The following TBCD variants were observed in gnomAD, a reference collection of about 807,000 sequenced individuals.
TBCD encodes the protein tubulin folding cofactor D, also known as tubulin-specific chaperone D.
TBCD carries 105 observed loss-of-function variants against 169.3 expected under a neutral mutation model. That is an observed-to-expected ratio of 0.62 (90% CI 0.53 to 0.73). The LOEUF is 0.73. Ranked by LOEUF, TBCD falls within the 30% of genes least tolerant of loss-of-function variation. TBCD has a pLI of 0.00. For missense variants in TBCD, 1,444 were observed against 1,600.1 expected, an observed-to-expected ratio of 0.90 and a Z score of 1.66; for synonymous variants, 700 against 643.9, an observed-to-expected ratio of 1.09 and a Z score of -1.32.
At chr17:82,863,707 G>A (rs1008809739) in intron 13 of TBCD, among the ~76,000 whole-genome samples, 22 of 152,302 alleles carry the variant, frequency 1.4e-4, no homozygotes, top group Admixed American at 2.6e-4. Context: ...CCTGGTCTCA[G>A]ACTGTAAGCC....
At chr17:82,765,776 A>G (rs1215493765) in intron 3 of TBCD, among the ~76,000 whole-genome samples, 1 of 152,206 alleles carries the variant, frequency 6.6e-6, no homozygotes, top group Non-Finnish European at 1.5e-5. Flanking sequence ...TTAATGACTG[A>G]TTCCGTAAAT....
intron 4 of TBCD, among the ~76,000 whole-genome samples, chr17:82,767,262 G>T (rs1308445373): frequency 2.6e-5 from 4 of 152,138 alleles, no homozygotes; most frequent in Admixed American, 2.6e-4. Context: ...TCTCGGCGTG[G>T]ATGTGACTGA....
intron 3 of TBCD, among the ~76,000 whole-genome samples, chr17:82,765,549 G>C (rs576633402): frequency 6.6e-6 from 1 of 152,194 alleles, no homozygotes; most frequent in South Asian, 2.1e-4. Flanking sequence ...GCGCATTTCT[G>C]TTGTCTGGCG....
intron 13 of TBCD, among the ~76,000 whole-genome samples, chr17:82,825,453 T>C (rs2052759385): frequency 6.6e-6 from 1 of 152,192 alleles, no homozygotes; most frequent in Non-Finnish European, 1.5e-5. Context: ...CTGGTGTATA[T>C]AAACAGAAGT....
At chr17:82,784,779 C>T (rs570447747) in intron 7 of TBCD, among the ~76,000 whole-genome samples, 174 of 152,258 alleles carry the variant, frequency 1.1e-3, no homozygotes, top group African/African-American at 4.0e-3. Flanking sequence ...GAAGAATGGG[C>T]CGCTACTGCC....
chr17:82,862,973 C>T (rs916380188), intron 13 of TBCD, among the ~76,000 whole-genome samples: 1 of 152,184 alleles, frequency 6.6e-6, no homozygotes, highest in African/African-American at 2.4e-5. Context: ...CTTGGTCTTG[C>T]GGTGTGGCTG....
At chr17:82,757,208 G>GC (rs907193087) in intron 2 of TBCD, among the ~76,000 whole-genome samples, 13 of 152,108 alleles carry the variant, frequency 8.5e-5, no homozygotes, top group African/African-American at 1.4e-4. Flanking sequence ...GGGTTTCCTC[G>GC]CCCCCCGTGG....
intron 2 of TBCD, among the ~76,000 whole-genome samples, chr17:82,758,219 T>C (rs966602581): frequency 3.3e-5 from 5 of 151,472 alleles, no homozygotes; most frequent in Non-Finnish European, 7.4e-5. Flanking sequence ...TGAAACCCCG[T>C]ATCTACTAAA....
At chr17:82,818,173 A>G (rs913773293) in intron 13 of TBCD, among the ~76,000 whole-genome samples, 1 of 152,218 alleles carries the variant, frequency 6.6e-6, no homozygotes, top group African/African-American at 2.4e-5. Context: ...CTGACACGTG[A>G]TGTGGAATAC....
At chr17:82,852,502 C>T (rs2055882231) in intron 13 of TBCD, among the ~76,000 whole-genome samples, 2 of 152,142 alleles carry the variant, frequency 1.3e-5, no homozygotes, top group Admixed American at 6.5e-5. Context: ...CCGGGTTTTC[C>T]TGGGCCTGCA....
chr17:82,791,649 T>G (rs2049738063), intron 7 of TBCD, among the ~76,000 whole-genome samples: 1 of 152,162 alleles, frequency 6.6e-6, no homozygotes, highest in Admixed American at 6.5e-5. Flanking sequence ...GGGGAGTTGT[T>G]TAAGCTGGAA....
intron 18 of TBCD, among the ~76,000 whole-genome samples, chr17:82,902,634 G>A (rs958574342): frequency 2.6e-5 from 4 of 152,232 alleles, no homozygotes; most frequent in African/African-American, 4.8e-5. Flanking sequence ...CTGCCAGCGC[G>A]GGCGTCTGCC....
At chr17:82,830,238 T>TA in intron 13 of TBCD, 1 of 1,614,236 alleles carries the variant, frequency 6.2e-7, no homozygotes, top group South Asian at 1.1e-5. Flanking sequence ...CAGCATCCCT[T>TA]AGACTTGTCC....
At chr17:82,911,306 A>AG (rs1435324677) in intron 22 of TBCD, among the ~76,000 whole-genome samples, 1 of 151,780 alleles carries the variant, frequency 6.6e-6, no homozygotes, top group Non-Finnish European at 1.5e-5. Context: ...CTTGTGCACC[A>AG]GGGTCCCGCT....
Position 82,937,286 on chromosome 17 carries a change from G to A in TBCD, c.3207G>A (p.Val1069=). The A allele has an allele frequency of 6.2e-7, 1 of 1,614,050 alleles. No homozygotes were observed. Among genetic ancestry groups the A allele is most frequent in the Non-Finnish European group, 8.5e-7 (1 of 1,179,896 alleles). Residue 1069 remains valine, a synonymous_variant, in exon 35 of 39, where the codon GTG becomes GTA. Coordinates refer to ENST00000355528, the MANE Select transcript of TBCD (RefSeq NM_005993.5). ...GTTCTTCCAGCCACCCCTTTGCTGT[G>A]AAGTTGCTTGCGCTCTGTAAGAAAG... is the stretch of plus-strand genomic sequence containing the variant. ...FTTEEDHPFA[V]KLLALCKKEI...
rs183455339 is a variant in TBCD at position 82,939,444 on chromosome 17, C to T, written c.3447C>T (p.Asp1149=). 6.9e-4 allele frequency: 1,113 copies of T among 1,613,612 alleles called. 2 individuals carry two copies. Among genetic ancestry groups the T allele is most frequent in the Non-Finnish European group, 8.7e-4 (1,032 of 1,179,832 alleles). ...ACGTCGTGGGCGCGGATGTGCTGGA[C>T]GAGGTGGTGACTGTGCTCAGTGACA... is the stretch of plus-strand genomic sequence containing the variant. ...YSDVVGADVL[D]EVVTVLSDTA... Residue 1149 remains aspartate (D), a synonymous_variant, in exon 37 of 39, where the codon GAC becomes GAT. Coordinates refer to ENST00000355528, the MANE Select transcript of TBCD (RefSeq NM_005993.5).
intron 13 of TBCD, among the ~76,000 whole-genome samples, chr17:82,821,112 G>A (rs1598711773): frequency 6.6e-6 from 1 of 151,412 alleles, no homozygotes; most frequent in African/African-American, 2.4e-5. Context: ...TGCTGCACTG[G>A]AAAAAAAAAT....
chr17:82,806,145 C>T lies in TBCD; in HGVS notation c.1087+134C>T, dbSNP rs761189247. 50 of 1,213,132 alleles carry T rather than the reference C, an allele frequency of 4.1e-5. No homozygotes were observed. In the Admixed American group the frequency reaches 4.4e-4, roughly 11 times the overall value. The allele number at this position is 1,213,132 out of a possible 1,614,324, so 75.1% of individuals were successfully genotyped here. A position where few individuals can be genotyped will look rare whatever the true frequency, so the allele number is the denominator to read the frequency against. ...CCACCCGTCCCCTTCGCTGAGTGCA[C>T]GGTCACTGCCCGTCCTCTGGCTCCT... On this transcript the variant is annotated intron_variant, in intron 10 of 38. Coordinates refer to ENST00000355528, the MANE Select transcript of TBCD (RefSeq NM_005993.5). The surrounding 1 kb of genome is among the most constrained non-coding windows in gnomAD (Gnocchi z 5.1).
At position 82,930,678 on chromosome 17, in the gene TBCD, G is replaced by C. The variant is rs369352293; in HGVS notation, c.3113+35G>C. On this transcript the variant is annotated intron_variant, in intron 33 of 38. Coordinates refer to ENST00000355528, the MANE Select transcript of TBCD (RefSeq NM_005993.5). The surrounding 1 kb of genome is among the most constrained non-coding windows in gnomAD (Gnocchi z 5.2). ...GTCTCTTGGGGCCTCAGAGGCGTGA[G>C]TGGTGCTGGTGCCTCTCACCACGTT... 1 of 1,613,364 alleles carries C rather than the reference G, an allele frequency of 6.2e-7. No individual in the cohort carries two copies. Among genetic ancestry groups the C allele is most frequent in the Non-Finnish European group, 8.5e-7 (1 of 1,179,640 alleles).
Sources: allele counts gnomAD v4.1 joint callset (sites outside exome capture counted in the v4.1 genomes callset), GRCh38; gene constraint gnomAD v4.1.1; non-coding constraint Gnocchi (gnomAD v3.1); transcripts MANE v1.5; gene names NCBI Gene and HGNC (gene_info 2026-07-23, HGNC 2026-07-21).